The following SLC7A5 variants were observed in gnomAD, a reference collection of about 807,000 sequenced individuals.
The protein encoded by SLC7A5 is solute carrier family 7 member 5.
SLC7A5 carries 23 observed loss-of-function variants against 50.2 expected under a neutral mutation model. That is an observed-to-expected ratio of 0.46 (90% CI 0.33 to 0.65). The LOEUF (loss-of-function observed/expected upper bound fraction) is 0.65. Ranked by LOEUF, SLC7A5 falls within the 30% of genes least tolerant of loss-of-function variation. The probability of loss-of-function intolerance (pLI) is 0.02; values close to 1 mark genes in which losing one functional copy is unlikely to be tolerated. For synonymous variants in SLC7A5, 393 were observed against 330.6 expected, an observed-to-expected ratio of 1.19 and a Z score of -2.05; for missense variants, 578 against 684.4, an observed-to-expected ratio of 0.84 and a Z score of 1.73.
chr16:87,850,428 G>A (rs1327347486), intron 2 of SLC7A5, among the ~76,000 whole-genome samples: 1 of 152,182 alleles, frequency 6.6e-6, no homozygotes, highest in East Asian at 1.9e-4. Flanking sequence ...CAGCCCTGGG[G>A]TCCTACCTGC....
At chr16:87,834,176 G>A (rs74039962) in intron 9 of SLC7A5, among the ~76,000 whole-genome samples, 4,735 of 152,260 alleles carry the variant, frequency 0.031, 217 homozygotes, top group African/African-American at 0.11. Flanking sequence ...TTGTTACTTG[G>A]CAGCAGTAGC....
At chr16:87,837,579 G>A (rs946604934) in intron 7 of SLC7A5, 7 of 484,270 alleles carry the variant, frequency 1.4e-5, no homozygotes, top group Middle Eastern at 5.7e-4. Context: ...CCAGGCGGCT[G>A]GCAGAGCAGC....
At chr16:87,843,906 C>T (rs758073533) in intron 2 of SLC7A5, among the ~76,000 whole-genome samples, 14 of 152,176 alleles carry the variant, frequency 9.2e-5, no homozygotes, top group Non-Finnish European at 2.1e-4. Context: ...GCTTTCTCTC[C>T]CATGGACCCT....
rs2054939401 is a variant in SLC7A5, at chr16:87,831,900, A to T, written c.*1070T>A. The T allele has an allele frequency of 6.6e-6, 1 of 152,376 alleles. No individual in the cohort carries two copies. The highest frequency in any genetic ancestry group is 1.5e-5 in the Non-Finnish European group (1 of 68,188). The allele number at this position is 152,376 out of a possible 1,614,324, so 9.4% of individuals were successfully genotyped here. ...TGAGCAGTGCTTGGCTCTGTCTCCT[A>T]GACAACGGGCATCAGGACCAGGACA... On this transcript the variant is annotated 3_prime_UTR_variant, in exon 10 of 10. Transcript: ENST00000261622.
In SLC7A5 at chr16:87,832,978, C is replaced by T. The variant is rs1382210401; in HGVS notation, c.1516G>A (p.Glu506Lys). 1 of 1,613,806 alleles carries T rather than the reference C, an allele frequency of 6.2e-7. No homozygotes were observed. The change falls in exon 10 of 10, where the codon GAG becomes AAG. Residue 506 changes from glutamate to lysine, a missense_variant. Physicochemically the swap from Glu to Lys is moderately conservative, Grantham distance 56 (BLOSUM62 1). Transcript: ENST00000261622. This position sits in a 1 kb window ranked among gnomAD's most constrained non-coding sequence, Gnocchi z 4.6. The stretch of plus-strand genomic sequence containing the variant: ...GCCACTCGGCCTCCTGGCTATGTCT[C>T]CTGGGGGACCACCTGCATGAGCTTC... ...CQKLMQVVPQ[E>K]T
chr16:87,855,723 GA>G (rs2055309041), intron 1 of SLC7A5, among the ~76,000 whole-genome samples: 1 of 152,102 alleles, frequency 6.6e-6, no homozygotes, highest in South Asian at 2.1e-4. Context: ...TGTTGGAGGA[GA>G]GGGGTGGGGG....
At chr16:87,854,075 C>T (rs1321013376) in intron 1 of SLC7A5, 3 of 87,128 alleles carry the variant, frequency 3.4e-5, no homozygotes, top group Admixed American at 2.3e-4. Flanking sequence ...CCCCCCCGCC[C>T]CCCCCCCCAC....
rs1491292186 is a variant in SLC7A5 at position 87,852,636 on chromosome 16, C to CTGTGTGTG, written c.539-788_539-787insCACACACA. ...CCCTGTAAGGCACCCAGCTCTGAGC[C>CTGTGTGTG]TCTGTGTGTGTGTGTGTGTGTGTGT... On this transcript the variant is annotated intron_variant, in intron 1 of 9. Coordinates refer to ENST00000261622, the MANE Select transcript of SLC7A5 (RefSeq NM_003486.7). The surrounding 1 kb of genome is among the most constrained non-coding windows in gnomAD (Gnocchi z 4.5). Among the ~76,000 whole-genome samples the CTGTGTGTG allele has an allele frequency of 3.1e-5, 3 of 97,500 alleles. No individual in the cohort carries two copies. The highest frequency in any genetic ancestry group is 6.3e-4 in the East Asian group (1 of 1,598). 64.0% of individuals were successfully genotyped at this position (97,500 alleles called of 152,430 possible).
intron 2 of SLC7A5, among the ~76,000 whole-genome samples, chr16:87,846,621 G>A (rs1309093358): frequency 2.6e-5 from 4 of 152,174 alleles, no homozygotes; most frequent in South Asian, 2.1e-4. Context: ...GAAACACAGC[G>A]AGGGGGTGTC....
Position 87,836,627 on chromosome 16 carries a change from G to A in SLC7A5, c.1161C>T (p.Tyr387=), listed in dbSNP as rs771516158. 23 of 1,612,876 alleles carry A rather than the reference G, an allele frequency of 1.4e-5. No individual in the cohort carries two copies. Among genetic ancestry groups the A allele is most frequent in the Admixed American group, 1.3e-4 (8 of 60,004 alleles). ...LVFTCVMTLL[Y]AFSKDIFSVI... Reference sequence around the variant, plus strand: ...CGGAGAAGATGTCCTTGGAGAAGGCGTAGAGCAGCGTCATCACACACTGGA... The same window carrying A: ...CGGAGAAGATGTCCTTGGAGAAGGCATAGAGCAGCGTCATCACACACTGGA... The change falls in exon 8 of 10, where the codon TAC becomes TAT. Residue 387 remains tyrosine (Y), a synonymous_variant. Coordinates refer to ENST00000261622, the MANE Select transcript of SLC7A5 (RefSeq NM_003486.7).
chr16:87,851,940 A>G, intron 1 of SLC7A5, 91 bp from the exon 2 acceptor site: 10 of 1,488,064 alleles, frequency 6.7e-6, no homozygotes, highest in Middle Eastern at 2.3e-4. Flanking sequence ...CCCCCACCCC[A>G]GGGCCAGGTC....
At chr16:87,854,064 AC>A (rs1466941041) in intron 1 of SLC7A5, 1 of 46,916 alleles carries the variant, frequency 2.1e-5, no homozygotes, top group Non-Finnish European at 4.1e-5. Flanking sequence ...AGAGGCCAGG[AC>A]CCCCCCGCCC....
Position 87,832,710 on chromosome 16 carries a change from A to T in SLC7A5, c.*260T>A. The T allele has an allele frequency of 3.0e-6, 1 of 332,694 alleles. No individual in the cohort carries two copies. Among genetic ancestry groups the T allele is most frequent in the Non-Finnish European group, 5.7e-6 (1 of 176,888 alleles). 20.6% of individuals were successfully genotyped at this position (332,694 alleles called of 1,614,324 possible). ...TATATATAAGTAAACAAAGGAGGGA[A>T]GGGAAAAAGGGCCCAAGGAGACCAA... is the stretch of plus-strand genomic sequence containing the variant. On this transcript the variant is annotated 3_prime_UTR_variant, in exon 10 of 10. Coordinates refer to ENST00000261622, the MANE Select transcript of SLC7A5 (RefSeq NM_003486.7). This position sits in a 1 kb window ranked among gnomAD's most constrained non-coding sequence, Gnocchi z 4.6.
intron 2 of SLC7A5, among the ~76,000 whole-genome samples, chr16:87,844,744 G>C (rs372948227): frequency 7.9e-5 from 12 of 152,246 alleles, no homozygotes; most frequent in African/African-American, 1.4e-4. Context: ...AGGGACAAGA[G>C]AGTCACTCCT....
At chr16:87,840,160 G>C (rs901547038) in intron 4 of SLC7A5, among the ~76,000 whole-genome samples, 3 of 152,336 alleles carry the variant, frequency 2.0e-5, no homozygotes, top group Middle Eastern at 3.4e-3. Flanking sequence ...TGCACAGCCG[G>C]GGACCAGAGC....
intron 1 of SLC7A5, among the ~76,000 whole-genome samples, chr16:87,854,224 G>T (rs563737141): frequency 6.6e-6 from 1 of 152,106 alleles, no homozygotes; most frequent in Non-Finnish European, 1.5e-5. Context: ...ACAGACAGGC[G>T]GGGGCCGGGT....
chr16:87,851,218 A>G (rs2055218366), intron 2 of SLC7A5, among the ~76,000 whole-genome samples: 1 of 151,820 alleles, frequency 6.6e-6, no homozygotes, highest in East Asian at 2.0e-4. Flanking sequence ...TTCTTTAAAA[A>G]GCAGACAGAA....
At position 87,838,734 on chromosome 16, in the gene SLC7A5, C is replaced by G. The variant is rs202192018; in HGVS notation, c.1023G>C (p.Gly341=). Residue 341 remains glycine, a synonymous_variant, in exon 6 of 10, where the codon GGG becomes GGC. Transcript: ENST00000261622. ...CTCACCTGGAGGATGTGAACAGGGACCCATTGACGGAGCCGAAGCAGGACA... is the reference window on the plus strand; with the variant it reads ...CTCACCTGGAGGATGTGAACAGGGAGCCATTGACGGAGCCGAAGCAGGACA... The part of the protein sequence containing the change: ...VGLSCFGSVN[G]SLFTSSRLFF... 7.4e-6 allele frequency: 12 copies of G among 1,613,864 alleles called. No individual in the cohort carries two copies. In the East Asian group the frequency reaches 2.5e-4, roughly 33 times the overall value.
intron 1 of SLC7A5, among the ~76,000 whole-genome samples, chr16:87,867,570 C>G (rs1026383038): frequency 6.6e-6 from 1 of 152,098 alleles, no homozygotes; most frequent in Non-Finnish European, 1.5e-5. Context: ...CCCTCCCCCC[C>G]AAAGTACGGT....
Sources: allele counts gnomAD v4.1 joint callset (sites outside exome capture counted in the v4.1 genomes callset), GRCh38; gene constraint gnomAD v4.1.1; non-coding constraint Gnocchi (gnomAD v3.1); transcripts MANE v1.5; gene names NCBI Gene and HGNC (gene_info 2026-07-23, HGNC 2026-07-21).